The following DPF3 variants were observed in gnomAD, a reference collection of about 807,000 sequenced individuals.
DPF3 encodes zinc finger protein DPF3.
DPF3 carries 18 observed loss-of-function variants against 56.8 expected under a neutral mutation model. The observed-to-expected ratio is 0.32, with a 90% CI of 0.22 to 0.47. The LOEUF is 0.47. DPF3 is among the 20% of genes least tolerant of loss of function. The probability of loss-of-function intolerance (pLI) is 1.00; values close to 1 mark genes in which losing one functional copy is unlikely to be tolerated. For missense variants in DPF3, 403 were observed against 488.8 expected (o/e 0.82, Z 1.65); for synonymous variants, 188 against 180.2 (o/e 1.04, Z -0.35).
intron 2 of DPF3, among the ~76,000 whole-genome samples, chr14:72,755,265 T>C (rs747903965): frequency 6.6e-6 from 1 of 152,174 alleles, no homozygotes; most frequent in Non-Finnish European, 1.5e-5. Context: ...GTCCAGGTCC[T>C]ACACCCTCCC....
At chr14:72,630,060 C>T (rs183211952) in intron 8 of DPF3, among the ~76,000 whole-genome samples, 134 of 152,270 alleles carry the variant, frequency 8.8e-4, no homozygotes, top group Non-Finnish European at 1.4e-3. Flanking sequence ...CAGCCTGGGG[C>T]AGCACTATGA....
intron 1 of DPF3, among the ~76,000 whole-genome samples, chr14:72,889,838 C>G (rs911933798): frequency 6.6e-6 from 1 of 152,174 alleles, no homozygotes; most frequent in Non-Finnish European, 1.5e-5. Flanking sequence ...AAACACATAC[C>G]TCCAAGCAAG....
At chr14:72,697,809 G>T (rs1887969139) in intron 6 of DPF3, among the ~76,000 whole-genome samples, 2 of 152,062 alleles carry the variant, frequency 1.3e-5, no homozygotes, top group Non-Finnish European at 2.9e-5. Context: ...GAGAGAACTT[G>T]GTGGAAAAGG....
intron 3 of DPF3, among the ~76,000 whole-genome samples, chr14:72,752,494 C>T (rs1165829549): frequency 6.6e-6 from 1 of 152,188 alleles, no homozygotes; most frequent in African/African-American, 2.4e-5. Flanking sequence ...GAAACACTGT[C>T]TCTACTAAAA....
intron 3 of DPF3, among the ~76,000 whole-genome samples, chr14:72,738,810 G>T (rs1290169529): frequency 6.6e-6 from 1 of 152,122 alleles, no homozygotes; most frequent in Non-Finnish European, 1.5e-5. Context: ...TGGAGTGATA[G>T]ATACATTAAC....
chr14:72,647,186 G>A (rs181094014), intron 8 of DPF3, among the ~76,000 whole-genome samples: 9 of 152,264 alleles, frequency 5.9e-5, no homozygotes, highest in Admixed American at 6.5e-5. Context: ...TGTTAAGCTG[G>A]AAAACTTTAA....
chr14:72,645,764 C>T (rs934527671), intron 8 of DPF3, among the ~76,000 whole-genome samples: 17 of 152,056 alleles, frequency 1.1e-4, no homozygotes, highest in African/African-American at 2.7e-4. Flanking sequence ...AAAGTATTTG[C>T]CACATCCCAC....
At chr14:72,746,702 T>A (rs1890336842) in intron 3 of DPF3, among the ~76,000 whole-genome samples, 1 of 152,206 alleles carries the variant, frequency 6.6e-6, no homozygotes, top group African/African-American at 2.4e-5. Flanking sequence ...TCTCTGCAGA[T>A]GGGGTCCTTC....
chr14:72,664,530 A>G (rs903527258), intron 8 of DPF3, among the ~76,000 whole-genome samples: 3 of 151,998 alleles, frequency 2.0e-5, no homozygotes, highest in African/African-American at 7.3e-5. Context: ...AAGAAGGCAT[A>G]GTTTTCTACC....
chr14:72,736,707 T>C lies in DPF3; in HGVS notation c.302-4773A>G, dbSNP rs8007375. Among the ~76,000 whole-genome samples, 432 of 152,264 alleles carry C rather than the reference T, an allele frequency of 2.8e-3. 2 individuals are homozygous for C. Among genetic ancestry groups the C allele is most frequent in the African/African-American group, 1.0e-2 (414 of 41,534 alleles). On this transcript the variant is annotated intron_variant, in intron 3 of 10. Coordinates refer to ENST00000556509, the MANE Select transcript of DPF3 (RefSeq NM_001280542.3). ...CCTAAACACACTTCTATTGAGCCCT[T>C]AGGGATTTCATTTATCCAATTTTAT...
intron 6 of DPF3, among the ~76,000 whole-genome samples, chr14:72,710,150 G>A (rs898483490): frequency 1.3e-5 from 2 of 152,224 alleles, no homozygotes; most frequent in Non-Finnish European, 2.9e-5. Context: ...GGGCTTGGGA[G>A]CAATTAGGAA....
At chr14:72,739,659 A>G (rs781648211) in intron 3 of DPF3, among the ~76,000 whole-genome samples, 2 of 152,206 alleles carry the variant, frequency 1.3e-5, no homozygotes, top group Non-Finnish European at 2.9e-5. Flanking sequence ...GAGGCCAAGA[A>G]TGAGACGCAG....
intron 1 of DPF3, among the ~76,000 whole-genome samples, chr14:72,866,141 G>C (rs1885652473): frequency 6.6e-6 from 1 of 152,166 alleles, no homozygotes; most frequent in African/African-American, 2.4e-5. Context: ...CCGGCTTGTT[G>C]ATTTGATGGT....
intron 1 of DPF3, among the ~76,000 whole-genome samples, chr14:72,869,900 G>T (rs1039703772): frequency 2.0e-5 from 3 of 152,098 alleles, no homozygotes; most frequent in African/African-American, 4.8e-5. Context: ...AGAGATGATG[G>T]GGGGTAGGGT....
At chr14:72,646,233 T>C (rs1312274218) in intron 8 of DPF3, among the ~76,000 whole-genome samples, 1 of 152,220 alleles carries the variant, frequency 6.6e-6, no homozygotes, top group African/African-American at 2.4e-5. Context: ...TCCTGGGAAC[T>C]TCTATTCATC....
Position 72,692,670 on chromosome 14 carries a change from G to A in DPF3, c.742+406C>T, listed in dbSNP as rs8015338. ...AGATAAGAATATTCTAAGGCACTTC[G>A]TAGCCAAGCAGGCATTTCGAATGTG... On this transcript the variant is annotated intron_variant, in intron 7 of 10. Transcript: ENST00000556509. Among the ~76,000 whole-genome samples the A allele has an allele frequency of 8.8e-3, 1,335 of 152,264 alleles. 16 individuals are homozygous for A. Among genetic ancestry groups the A allele is most frequent in the African/African-American group, 0.03 (1,262 of 41,546 alleles).
chr14:72,813,619 G>A (rs534122733), intron 1 of DPF3, among the ~76,000 whole-genome samples: 2 of 152,340 alleles, frequency 1.3e-5, no homozygotes, highest in Admixed American at 1.3e-4. Flanking sequence ...TGTCAGAGCA[G>A]TGAGAGATAG....
intron 1 of DPF3, among the ~76,000 whole-genome samples, chr14:72,859,316 T>C (rs1023334764): frequency 6.6e-6 from 1 of 152,014 alleles, no homozygotes; most frequent in Non-Finnish European, 1.5e-5. Context: ...AAAAAGGAAC[T>C]CCTTTCAAGG....
In DPF3 at chr14:72,619,981, G is replaced by A; in HGVS notation, c.988C>T (p.Gln330Ter). ...TCACAGTCATCGCAGAAGAGTAGCT[G>A]GTCCTGGTGGAACACAGAGTAAGCA... is the stretch of plus-strand genomic sequence containing the variant. ...ILCGTSENDD[Q>*]LLFCDDCDRG... Residue 330 changes from glutamine (Q) to a stop codon, truncating the protein, a stop_gained, in exon 10 of 11, where the codon CAG (glutamine) becomes TAG (stop). Coordinates refer to ENST00000556509, the MANE Select transcript of DPF3 (RefSeq NM_001280542.3). LOFTEE classifies it high-confidence loss of function. 2 of 1,533,530 alleles carry A rather than the reference G, an allele frequency of 1.3e-6. No individual in the cohort carries two copies. The highest frequency in any genetic ancestry group is 1.7e-6 in the Non-Finnish European group (2 of 1,145,440). 95.0% of individuals were successfully genotyped at this position (1,533,530 alleles called of 1,614,324 possible). A position where few individuals can be genotyped will look rare whatever the true frequency, so the allele number is the denominator to read the frequency against.
Sources: gnomAD v4.1 joint callset for allele counts (sites outside exome capture counted in the v4.1 genomes callset) on GRCh38, gnomAD v4.1.1 for gene constraint, MANE v1.5 for transcripts, NCBI Gene and HGNC (gene_info 2026-07-23, HGNC 2026-07-21) for gene names.